The following ZNF804B variants were observed in gnomAD, a reference collection of about 807,000 sequenced individuals.
ZNF804B encodes zinc finger 804B.
In ZNF804B, 80 loss-of-function variants were observed where a neutral mutation model predicts 101.4. That is an observed-to-expected ratio of 0.79 (90% confidence interval 0.66 to 0.95). The LOEUF is 0.95. Ranked by LOEUF, ZNF804B falls within the 40% of genes least tolerant of loss-of-function variation. The pLI is 0.00. For missense variants in ZNF804B, 1,673 were observed against 1,561.9 expected, an observed-to-expected ratio of 1.07 and a Z score of -1.20; for synonymous variants, 622 against 558.8, an observed-to-expected ratio of 1.11 and a Z score of -1.59.
At chr7:89,312,833 G>T (rs1336561883) in intron 2 of ZNF804B, among the ~76,000 whole-genome samples, 2 of 150,578 alleles carry the variant, frequency 1.3e-5, no homozygotes, top group African/African-American at 4.9e-5. Flanking sequence ...AAAAAAAAAA[G>T]ATAATGACAT....
intron 2 of ZNF804B, among the ~76,000 whole-genome samples, chr7:89,262,957 T>G (rs1230109955): frequency 1.4e-5 from 2 of 146,474 alleles, no homozygotes; most frequent in African/African-American, 5.1e-5. Flanking sequence ...ATTTGCTGCT[T>G]TCTTGTGCAC....
At chr7:89,172,243 T>C (rs1456635051) in intron 1 of ZNF804B, among the ~76,000 whole-genome samples, 1 of 152,142 alleles carries the variant, frequency 6.6e-6, no homozygotes, top group Non-Finnish European at 1.5e-5. Context: ...AAAATATGAC[T>C]TTTTGACAAC....
At chr7:89,223,808 A>G (rs537453496) in intron 2 of ZNF804B, among the ~76,000 whole-genome samples, 5 of 151,870 alleles carry the variant, frequency 3.3e-5, no homozygotes, top group Admixed American at 6.6e-5. Flanking sequence ...TTGACAAGCC[A>G]CTCTATATAT....
At chr7:89,303,731 A>AT (rs1408631191) in intron 2 of ZNF804B, among the ~76,000 whole-genome samples, 2 of 151,940 alleles carry the variant, frequency 1.3e-5, no homozygotes, top group African/African-American at 4.8e-5. Flanking sequence ...TGTAGTAATC[A>AT]TTATGGACAG....
At chr7:89,208,952 C>T (rs1367616035) in intron 1 of ZNF804B, among the ~76,000 whole-genome samples, 1 of 152,008 alleles carries the variant, frequency 6.6e-6, no homozygotes, top group Non-Finnish European at 1.5e-5. Flanking sequence ...GCGGAGCTTG[C>T]AGTGAGCTGA....
chr7:88,871,294 G>C (rs953265494), intron 1 of ZNF804B, among the ~76,000 whole-genome samples: 1 of 151,980 alleles, frequency 6.6e-6, no homozygotes, highest in African/African-American at 2.4e-5. Flanking sequence ...CTGAACTGAA[G>C]ACTATGCAGG....
chr7:89,331,098 T>C (rs2088833827), intron 3 of ZNF804B, among the ~76,000 whole-genome samples: 1 of 151,664 alleles, frequency 6.6e-6, no homozygotes, highest in Admixed American at 6.6e-5. Flanking sequence ...ACTAGACTTG[T>C]GGAATAATTT....
At chr7:89,138,112 C>T (rs1790663548) in intron 1 of ZNF804B, among the ~76,000 whole-genome samples, 1 of 152,134 alleles carries the variant, frequency 6.6e-6, no homozygotes, top group Non-Finnish European at 1.5e-5. Context: ...TGTATGGAAA[C>T]ACCTGGACAT....
At chr7:89,277,324 T>C (rs1789997761) in intron 2 of ZNF804B, among the ~76,000 whole-genome samples, 1 of 149,964 alleles carries the variant, frequency 6.7e-6, no homozygotes, top group Admixed American at 6.6e-5. Flanking sequence ...TTTTCTTTTT[T>C]TTTTCTTTTT....
intron 2 of ZNF804B, among the ~76,000 whole-genome samples, chr7:89,243,757 G>GTT (rs550923633): frequency 0.016 from 2,379 of 150,628 alleles, 51 homozygotes; most frequent in African/African-American, 0.054. Flanking sequence ...GTTTTGTTTT[G>GTT]TTTTTTTTTA....
At chr7:89,213,951 CAATTT>C (rs1161514478) in intron 1 of ZNF804B, among the ~76,000 whole-genome samples, 4 of 152,264 alleles carry the variant, frequency 2.6e-5, no homozygotes, top group Non-Finnish European at 4.4e-5. Flanking sequence ...ATAATAGTAA[CAATTT>C]GATAGCAAAC....
intron 1 of ZNF804B, among the ~76,000 whole-genome samples, chr7:89,087,439 A>T (rs1348842035): frequency 1.3e-5 from 2 of 152,048 alleles, no homozygotes. Flanking sequence ...GTAATTATGT[A>T]GAAAAGGAAT....
intron 2 of ZNF804B, among the ~76,000 whole-genome samples, chr7:89,261,048 T>G (rs1192501914): frequency 1.3e-5 from 2 of 152,188 alleles, no homozygotes; most frequent in Non-Finnish European, 2.9e-5. Flanking sequence ...AAATGAGTAC[T>G]GTTACAAGGG....
At chr7:89,006,169 A>G (rs1584067067) in intron 1 of ZNF804B, among the ~76,000 whole-genome samples, 1 of 152,070 alleles carries the variant, frequency 6.6e-6, no homozygotes, top group Non-Finnish European at 1.5e-5. Context: ...TTTTTTTTCT[A>G]GGTAAAATAA....
At chr7:89,063,846 A>C (rs1789411609) in intron 1 of ZNF804B, among the ~76,000 whole-genome samples, 1 of 152,202 alleles carries the variant, frequency 6.6e-6, no homozygotes, top group African/African-American at 2.4e-5. Flanking sequence ...ATGCGTCAAT[A>C]GCTAGGACTG....
intron 1 of ZNF804B, among the ~76,000 whole-genome samples, chr7:89,119,317 A>T (rs1167247536): frequency 6.6e-6 from 1 of 152,198 alleles, no homozygotes; most frequent in Non-Finnish European, 1.5e-5. Flanking sequence ...AGTATTTTTT[A>T]AAAATTAAAT....
At chr7:89,093,640 G>C (rs1270983088) in intron 1 of ZNF804B, among the ~76,000 whole-genome samples, 2 of 152,328 alleles carry the variant, frequency 1.3e-5, no homozygotes, top group Admixed American at 1.3e-4. Context: ...TTATCTTAAA[G>C]ACTAACATTG....
chr7:88,889,717 T>C (rs1477061893), intron 1 of ZNF804B, among the ~76,000 whole-genome samples: 1 of 145,110 alleles, frequency 6.9e-6, no homozygotes, highest in Non-Finnish European at 1.5e-5. Context: ...TTACTGCCAT[T>C]CTGTAAGTTA....
chr7:89,120,408 A>G (rs1465289451), intron 1 of ZNF804B, among the ~76,000 whole-genome samples: 1 of 152,154 alleles, frequency 6.6e-6, no homozygotes, highest in East Asian at 1.9e-4. Flanking sequence ...GTGTAATCCC[A>G]ACACTCTGAG....
Sources: gnomAD v4.1 joint callset for allele counts (sites outside exome capture counted in the v4.1 genomes callset) on GRCh38, gnomAD v4.1.1 for gene constraint, MANE v1.5 for transcripts, NCBI Gene and HGNC (gene_info 2026-07-23, HGNC 2026-07-21) for gene names.